Variants in PHKA1 observed in about 807,000 individuals in gnomAD.
The protein encoded by PHKA1 is phosphorylase kinase regulatory subunit alpha 1, also known as phosphorylase b kinase regulatory subunit alpha, skeletal muscle isoform.
Under a neutral mutation model 110.2 loss-of-function variants are expected in PHKA1, and 60 were observed. The ratio of observed to expected loss-of-function variants is 0.54; its 90% CI spans 0.44 to 0.68. The LOEUF (loss-of-function observed/expected upper bound fraction) is 0.68. Among genes scored for constraint, PHKA1 ranks in the 30% least tolerant of loss-of-function variants. PHKA1 has a pLI of 0.00. For synonymous variants in PHKA1, 316 were observed against 333.6 expected (o/e 0.95, Z 0.58); for missense variants, 801 against 942.5 (o/e 0.85, Z 1.97).
intron 5 of PHKA1, among the ~76,000 whole-genome samples, chrX:72,682,095 G>A (rs1603270760): frequency 2.3e-4 from 13 of 57,357 alleles, no homozygotes; most frequent in East Asian, 7.9e-4. Flanking sequence ...TCGGCCCCCC[G>A]CCCGGCCAGC....
chrX:72,600,708 C>A (rs1276771676), intron 28 of PHKA1, among the ~76,000 whole-genome samples: 2 of 111,004 alleles, frequency 1.8e-5, no homozygotes, highest in East Asian at 2.8e-4. Flanking sequence ...TTTAAAAAAA[C>A]CAAATAGCAA....
intron 16 of PHKA1, among the ~76,000 whole-genome samples, chrX:72,633,781 C>G (rs1329160648): frequency 8.9e-6 from 1 of 111,809 alleles, no homozygotes; most frequent in Non-Finnish European, 1.9e-5. Flanking sequence ...TAGTTTCAGA[C>G]TTCTGAGAAA....
intron 2 of PHKA1, among the ~76,000 whole-genome samples, chrX:72,708,317 A>T (rs1458445678): frequency 2.1e-4 from 23 of 111,639 alleles, no homozygotes; most frequent in Non-Finnish European, 3.8e-5. Context: ...TACAATGGAA[A>T]GTATTTATAC....
At chrX:72,653,205 T>C (rs1009508638) in intron 11 of PHKA1, among the ~76,000 whole-genome samples, 1 of 111,817 alleles carries the variant, frequency 8.9e-6, no homozygotes, top group African/African-American at 3.2e-5. Flanking sequence ...ATTCTCAAGA[T>C]TAAGGTTTGG....
chrX:72,656,304 A>C, intron 9 of PHKA1, 62 bp from the exon 10 acceptor site: 1 of 1,117,744 alleles, frequency 8.9e-7, no homozygotes, highest in Non-Finnish European at 1.2e-6. Flanking sequence ...TTTAGCTCAG[A>C]GGTATTATAA....
intron 1 of PHKA1, among the ~76,000 whole-genome samples, chrX:72,713,363 TACTC>T (rs1193154939): frequency 4.5e-5 from 5 of 111,246 alleles, no homozygotes; most frequent in Non-Finnish European, 9.4e-5. Flanking sequence ...CCCCAGAACT[TACTC>T]ATCTTATAAC....
intron 2 of PHKA1, among the ~76,000 whole-genome samples, chrX:72,707,589 C>T (rs1297101232): frequency 9.2e-6 from 1 of 108,950 alleles, no homozygotes; most frequent in Non-Finnish European, 1.9e-5. Flanking sequence ...AAAAAACAAA[C>T]TCATGTCTGC....
intron 5 of PHKA1, among the ~76,000 whole-genome samples, chrX:72,683,090 T>G (rs2053929228): frequency 9.0e-6 from 1 of 111,310 alleles, no homozygotes; most frequent in African/African-American, 3.3e-5. Context: ...ACTGTCCAAT[T>G]AACAGAAATA....
At chrX:72,681,143 T>G (rs1288453292) in intron 5 of PHKA1, among the ~76,000 whole-genome samples, 1 of 77,251 alleles carries the variant, frequency 1.3e-5, no homozygotes, top group Admixed American at 1.5e-4. Context: ...CGGCCGCCCA[T>G]CGTCTGAGAT....
At chrX:72,676,033 CA>C (rs1408414430) in intron 6 of PHKA1, 36 bp downstream of exon 6, 3 of 1,027,682 alleles carry the variant, frequency 2.9e-6, no homozygotes, top group Non-Finnish European at 4.1e-6. Context: ...CAGACTTCCT[CA>C]TCCCATACTT....
chrX:72,613,390 C>T (rs1287251261), intron 21 of PHKA1, among the ~76,000 whole-genome samples: 1 of 109,573 alleles, frequency 9.1e-6, no homozygotes, highest in African/African-American at 3.3e-5. Flanking sequence ...CACACACACA[C>T]ACACACACAC....
In PHKA1 at chrX:72,714,236, C is replaced by A. The variant is rs1312939677; in HGVS notation, c.-356G>T. The A allele has an allele frequency of 3.4e-5, 6 of 178,164 alleles. No homozygotes were observed. Among genetic ancestry groups the A allele is most frequent in the Non-Finnish European group, 6.2e-5 (6 of 96,739 alleles). 14.7% of individuals were successfully genotyped at this position (178,164 alleles called of 1,213,427 possible). On this transcript the variant is annotated 5_prime_UTR_variant, in exon 1 of 32. Transcript: ENST00000373542. ...GAGACCGCCGCGGCCCACAGCCTCC[C>A]GCCCGGCCGCCGCCAACAGGTCAAC...
chrX:72,647,129 CAAA>C (rs371176636), intron 13 of PHKA1, among the ~76,000 whole-genome samples: 3 of 80,637 alleles, frequency 3.7e-5, no homozygotes, highest in Admixed American at 1.4e-4. Context: ...GACTCCATCT[CAAA>C]AAAAAAAAAA....
chrX:72,627,006 G>A lies in PHKA1; in HGVS notation c.1758C>T (p.Leu586=), dbSNP rs1457293570. 4 of 1,207,458 alleles carry A rather than the reference G, an allele frequency of 3.3e-6. No homozygotes were observed. Among genetic ancestry groups the A allele is most frequent in the Non-Finnish European group, 4.5e-6 (4 of 892,925 alleles). The part of the protein sequence containing the change: ...TSLNSSILAA[L]RKMQDGYFGG... ...CAAAATACCCATCTTGCATTTTTCGGAGTGCTGCCAGGATACTTGAATTCA... is the reference window on the plus strand; with the variant it reads ...CAAAATACCCATCTTGCATTTTTCGAAGTGCTGCCAGGATACTTGAATTCA... Residue 586 remains leucine, a synonymous_variant, in exon 17 of 32, where the codon CTC becomes CTT. Transcript: ENST00000373542.
intron 13 of PHKA1, among the ~76,000 whole-genome samples, chrX:72,645,536 A>G (rs924490340): frequency 8.9e-6 from 1 of 112,208 alleles, no homozygotes; most frequent in Non-Finnish European, 1.9e-5. Flanking sequence ...ACATAACACC[A>G]TCTTGATTAC....
At chrX:72,611,839 G>A (rs369216143) in intron 21 of PHKA1, among the ~76,000 whole-genome samples, 24 of 111,850 alleles carry the variant, frequency 2.1e-4, no homozygotes, top group African/African-American at 7.5e-4. Flanking sequence ...GCTGCTGATC[G>A]GAATAAAAAT....
At chrX:72,605,138 G>T (rs1167579879) in intron 25 of PHKA1, 133 bp downstream of exon 25, 2 of 566,022 alleles carry the variant, frequency 3.5e-6, no homozygotes, top group African/African-American at 4.6e-5. Context: ...TGACCAACAG[G>T]GGAACAAGGT....
At chrX:72,601,912 A>G in intron 28 of PHKA1, 79 bp downstream of exon 28, 1 of 713,141 alleles carries the variant, frequency 1.4e-6, no homozygotes, top group Non-Finnish European at 2.2e-6. Flanking sequence ...TCTTATTTGT[A>G]AAAAGGCCAT....
At chrX:72,686,668 A>C (rs2053970479) in intron 4 of PHKA1, among the ~76,000 whole-genome samples, 1 of 112,047 alleles carries the variant, frequency 8.9e-6, no homozygotes, top group African/African-American at 3.2e-5. Context: ...TATGCATATT[A>C]TTTTCCAATG....
Sources: gnomAD v4.1 joint callset for allele counts (sites outside exome capture counted in the v4.1 genomes callset) on GRCh38, gnomAD v4.1.1 for gene constraint, MANE v1.5 for transcripts, NCBI Gene and HGNC (gene_info 2026-07-23, HGNC 2026-07-21) for gene names.